Variants in MID1 observed in about 807,000 individuals in gnomAD.
MID1 encodes the protein E3 ubiquitin-protein ligase Midline-1.
A neutral mutation model predicts 40.4 loss-of-function variants in MID1; 7 were observed. That is an observed-to-expected ratio of 0.17 (90% CI 0.10 to 0.33). MID1 has a LOEUF of 0.33. MID1 is among the 10% of genes least tolerant of loss of function. The pLI is 1.00. For missense variants in MID1, 367 were observed against 558.5 expected, an observed-to-expected ratio of 0.66 and a Z score of 3.46; for synonymous variants, 229 against 221.2, an observed-to-expected ratio of 1.04 and a Z score of -0.31.
At chrX:10,804,946 A>T (rs1170032984) in intron 1 of MID1, among the ~76,000 whole-genome samples, 1 of 110,842 alleles carries the variant, frequency 9.0e-6, no homozygotes, top group Non-Finnish European at 1.9e-5. Flanking sequence ...CACTAAGTAA[A>T]TTTTTTCTAA....
At chrX:10,735,746 A>G (rs1021887958) in intron 1 of MID1, among the ~76,000 whole-genome samples, 2 of 110,792 alleles carry the variant, frequency 1.8e-5, no homozygotes, top group Non-Finnish European at 3.8e-5. Context: ...CTGGGGTGCA[A>G]TGGTATGATC....
At chrX:10,558,060 TCTC>T (rs1429249811) in intron 2 of MID1, among the ~76,000 whole-genome samples, 4 of 96,526 alleles carry the variant, frequency 4.1e-5, no homozygotes, top group African/African-American at 1.7e-4. Context: ...TTAACCTCTC[TCTC>T]TTAAAAAAAA....
At position 10,523,190 on chromosome X, in the gene MID1, G is replaced by GT. The variant is rs754538575; in HGVS notation, c.661-4dup. 1 of 904,865 alleles carries GT rather than the reference G, an allele frequency of 1.1e-6. No individual in the cohort carries two copies. The highest frequency in any genetic ancestry group is 1.5e-6 in the Non-Finnish European group (1 of 676,705). The allele number at this position is 904,865 out of a possible 1,213,427, so 74.6% of individuals were successfully genotyped here. ...GTGAGGTTACTCTCTAAGTTTTGCT[G>GT]TTCAAAAAAAAAAAAAAAAGAGGAA... On this transcript the variant is annotated splice_region_variant and splice_polypyrimidine_tract_variant and intron_variant, in intron 2 of 9. Transcript: ENST00000317552.
At chrX:10,576,186 C>T (rs967725073) in intron 1 of MID1, among the ~76,000 whole-genome samples, 10 of 111,192 alleles carry the variant, frequency 9.0e-5, no homozygotes, top group African/African-American at 2.9e-4. Flanking sequence ...CTTTTAATTT[C>T]GCCAAACACC....
At chrX:10,737,692 A>G (rs1242224197) in intron 1 of MID1, among the ~76,000 whole-genome samples, 1 of 108,419 alleles carries the variant, frequency 9.2e-6, no homozygotes, top group African/African-American at 3.4e-5. Context: ...AGGGGGATAG[A>G]GTGGAAGGAA....
intron 1 of MID1, among the ~76,000 whole-genome samples, chrX:10,828,969 G>C (rs923531802): frequency 8.9e-6 from 1 of 112,189 alleles, no homozygotes; most frequent in African/African-American, 3.2e-5. Flanking sequence ...TTGAATCCCT[G>C]AGAAGTTTAA....
At chrX:10,636,652 A>T (rs1936114050) in intron 1 of MID1, among the ~76,000 whole-genome samples, 1 of 106,987 alleles carries the variant, frequency 9.3e-6, no homozygotes, top group Non-Finnish European at 1.9e-5. Flanking sequence ...AAAGGAAGTT[A>T]CTATTTAAAT....
chrX:10,557,661 G>A (rs1351611569), intron 2 of MID1, among the ~76,000 whole-genome samples: 2 of 112,088 alleles, frequency 1.8e-5, no homozygotes, highest in Non-Finnish European at 1.9e-5. Flanking sequence ...GGTTTATAGT[G>A]GGCATTCGGA....
At chrX:10,767,463 G>A (rs917795623) in intron 1 of MID1, among the ~76,000 whole-genome samples, 1 of 110,674 alleles carries the variant, frequency 9.0e-6, no homozygotes, top group African/African-American at 3.3e-5. Flanking sequence ...GGGACTAAAG[G>A]TGCCCGCCAC....
At chrX:10,510,164 T>G (rs1267199990) in intron 3 of MID1, among the ~76,000 whole-genome samples, 1 of 112,322 alleles carries the variant, frequency 8.9e-6, no homozygotes, top group Non-Finnish European at 1.9e-5. Context: ...ATCAATTCTG[T>G]CTATACATTA....
At chrX:10,758,307 A>T (rs940704989) in intron 1 of MID1, among the ~76,000 whole-genome samples, 9 of 107,776 alleles carry the variant, frequency 8.4e-5, no homozygotes, top group Admixed American at 6.0e-4. Flanking sequence ...CATTAAAACT[A>T]GTTTGTCTAT....
chrX:10,577,962 T>C (rs756977542), intron 1 of MID1, among the ~76,000 whole-genome samples: 30 of 112,006 alleles, frequency 2.7e-4, no homozygotes, highest in African/African-American at 9.4e-4. Context: ...ATTCAATTCA[T>C]AATCCAGACA....
intron 2 of MID1, among the ~76,000 whole-genome samples, chrX:10,528,313 GTTCT>G (rs1008951090): frequency 2.7e-5 from 3 of 111,348 alleles, no homozygotes; most frequent in East Asian, 5.7e-4. Context: ...TTTATATTTT[GTTCT>G]TTCTTTTTAC....
At chrX:10,489,566 T>G (rs1196197971) in intron 4 of MID1, among the ~76,000 whole-genome samples, 1 of 112,439 alleles carries the variant, frequency 8.9e-6, no homozygotes, top group Non-Finnish European at 1.9e-5. Context: ...ACTTCTCAAG[T>G]CTTTTTGCTG....
intron 1 of MID1, among the ~76,000 whole-genome samples, chrX:10,599,714 C>A (rs113663244): frequency 8.9e-6 from 1 of 112,300 alleles, no homozygotes; most frequent in Admixed American, 9.4e-5. Context: ...GAAACCAGCA[C>A]GCACAAACAC....
intron 1 of MID1, among the ~76,000 whole-genome samples, chrX:10,626,369 C>T (rs894267553): frequency 1.9e-5 from 2 of 107,829 alleles, no homozygotes; most frequent in African/African-American, 6.8e-5. Flanking sequence ...CGCTGTGTTG[C>T]CCAGGCTGGA....
chrX:10,457,871 A>C (rs911814265), intron 8 of MID1, among the ~76,000 whole-genome samples: 5 of 112,726 alleles, frequency 4.4e-5, no homozygotes, highest in African/African-American at 1.6e-4. Flanking sequence ...TTCCTTCTGC[A>C]TGGAACACTG....
At chrX:10,478,844 TAA>T (rs1392450248) in intron 5 of MID1, among the ~76,000 whole-genome samples, 1 of 112,138 alleles carries the variant, frequency 8.9e-6, no homozygotes, top group Non-Finnish European at 1.9e-5. Context: ...CCTGCGGGAT[TAA>T]AAGTTTGTTC....
intron 1 of MID1, among the ~76,000 whole-genome samples, chrX:10,587,115 G>C (rs140461170): frequency 0.015 from 1,677 of 112,479 alleles, 13 homozygotes; most frequent in Middle Eastern, 0.023. Context: ...CATGAGAGTT[G>C]AAAGACCTAC....
Sources: allele counts gnomAD v4.1 joint callset (sites outside exome capture counted in the v4.1 genomes callset), GRCh38; gene constraint gnomAD v4.1.1; transcripts MANE v1.5; gene names NCBI Gene and HGNC (gene_info 2026-07-23, HGNC 2026-07-21).